The following CEP70 variants were observed in gnomAD, a reference collection of about 807,000 sequenced individuals.
CEP70 encodes the protein centrosomal protein 70, also known as centrosomal protein of 70 kDa.
Under a neutral mutation model 90.9 loss-of-function variants are expected in CEP70, and 70 were observed. The ratio of observed to expected loss-of-function variants is 0.77; its 90% CI spans 0.64 to 0.94. The LOEUF is 0.94. Ranked by LOEUF, CEP70 falls within the 40% of genes least tolerant of loss-of-function variation. The pLI, the probability that CEP70 is intolerant of heterozygous loss-of-function variation, is 0.00. For synonymous variants in CEP70, 220 were observed against 228.3 expected (o/e 0.96, Z 0.33); for missense variants, 648 against 669.0 (o/e 0.97, Z 0.35).
At chr3:138,569,447 T>A (rs1390296661) in intron 6 of CEP70, among the ~76,000 whole-genome samples, 1 of 152,232 alleles carries the variant, frequency 6.6e-6, no homozygotes, top group Non-Finnish European at 1.5e-5. Flanking sequence ...GTTACCAGCA[T>A]AAGATTCATT....
At chr3:138,500,648 AC>A in intron 14 of CEP70, 81 bp from the exon 15 acceptor site, 2 of 1,494,100 alleles carry the variant, frequency 1.3e-6, no homozygotes, top group Non-Finnish European at 1.8e-6. Context: ...GACAAATAGA[AC>A]TCTAGTAGAA....
At chr3:138,506,772 C>T (rs1576542717) in intron 12 of CEP70, among the ~76,000 whole-genome samples, 1 of 152,184 alleles carries the variant, frequency 6.6e-6, no homozygotes, top group African/African-American at 2.4e-5. Context: ...GACAGAGTCT[C>T]ACTCTGCAGC....
At chr3:138,556,394 G>C (rs1308705951) in intron 6 of CEP70, among the ~76,000 whole-genome samples, 1 of 151,980 alleles carries the variant, frequency 6.6e-6, no homozygotes, top group Non-Finnish European at 1.5e-5. Flanking sequence ...TGGGCATGGT[G>C]GTGGGAGCCT....
At chr3:138,558,674 C>T (rs532227832) in intron 6 of CEP70, among the ~76,000 whole-genome samples, 8 of 152,178 alleles carry the variant, frequency 5.3e-5, no homozygotes, top group African/African-American at 1.9e-4. Flanking sequence ...TAAGATGATC[C>T]CAGATTACTA....
intron 6 of CEP70, among the ~76,000 whole-genome samples, chr3:138,554,870 C>T (rs1438992670): frequency 1.3e-5 from 2 of 152,168 alleles, no homozygotes; most frequent in Admixed American, 6.5e-5. Flanking sequence ...TGTTTGCTGA[C>T]TGTTCCTTTT....
intron 16 of CEP70, among the ~76,000 whole-genome samples, chr3:138,499,625 T>G (rs1329413666): frequency 6.6e-6 from 1 of 152,148 alleles, no homozygotes; most frequent in African/African-American, 2.4e-5. Context: ...TATCTTAGAT[T>G]GTCAAGTTAC....
At position 138,494,910 on chromosome 3, in the gene CEP70, G is replaced by T. The variant is rs1260280780; in HGVS notation, c.*105C>A. On this transcript the variant is annotated 3_prime_UTR_variant, in exon 18 of 18. Coordinates refer to ENST00000264982, the MANE Select transcript of CEP70 (RefSeq NM_024491.4). ...TAATACTAAGAAGGGGATGAATTCT[G>T]AGAGCAAATACATTTTACAACCCTT... 2 of 663,594 alleles carry T rather than the reference G, an allele frequency of 3.0e-6. No homozygotes were observed. The highest frequency in any genetic ancestry group is 5.6e-5 in the Admixed American group (2 of 36,016). 41.1% of individuals were successfully genotyped at this position (663,594 alleles called of 1,614,324 possible). A position where few individuals can be genotyped will look rare whatever the true frequency, so the allele number is the denominator to read the frequency against.
Position 138,530,806 on chromosome 3 carries a change from A to G in CEP70, c.693-1344T>C. On this transcript the variant is annotated intron_variant, in intron 8 of 17. Transcript: ENST00000264982. Reference sequence around the variant, plus strand: ...TCCTACTTCTTTAGATGATACCTATATCCTATTTGTAGATCTCAAAATCTA... The same window carrying G: ...TCCTACTTCTTTAGATGATACCTATGTCCTATTTGTAGATCTCAAAATCTA... 3.0e-6 allele frequency: 3 copies of G among 984,950 alleles called. No individual in the cohort carries two copies. The South Asian group carries it at 1.4e-4, about 46-fold the overall frequency. The allele number at this position is 984,950 out of a possible 1,614,324, so 61.0% of individuals were successfully genotyped here. A position where few individuals can be genotyped will look rare whatever the true frequency, so the allele number is the denominator to read the frequency against.
At chr3:138,563,874 C>CA (rs1238488254) in intron 6 of CEP70, among the ~76,000 whole-genome samples, 2 of 151,984 alleles carry the variant, frequency 1.3e-5, no homozygotes, top group Non-Finnish European at 2.9e-5. Context: ...GCTAGAGACA[C>CA]AAAAAACTCT....
Position 138,508,563 on chromosome 3 carries a change from T to C in CEP70, c.945-19A>G, listed in dbSNP as rs1436245789. ...CTGTAATCTAAAAGGGGGAAAAAAA[T>C]CAAGATAATACAAAATTACTTCCTA... On this transcript the variant is annotated intron_variant, in intron 11 of 17. Transcript: ENST00000264982. 10 of 1,466,404 alleles carry C rather than the reference T, an allele frequency of 6.8e-6. No homozygotes were observed. The highest frequency in any genetic ancestry group is 9.6e-6 in the Non-Finnish European group (10 of 1,046,278). 90.8% of individuals were successfully genotyped at this position (1,466,404 alleles called of 1,614,324 possible). A position where few individuals can be genotyped will look rare whatever the true frequency, so the allele number is the denominator to read the frequency against.
chr3:138,536,903 G>C (rs1346230103), intron 7 of CEP70: 1 of 204,192 alleles, frequency 4.9e-6, no homozygotes, highest in Non-Finnish European at 9.6e-6. Flanking sequence ...AAAAGGATCA[G>C]TTATTTTGAG....
intron 11 of CEP70, among the ~76,000 whole-genome samples, chr3:138,513,302 C>T (rs2035700104): frequency 6.6e-6 from 1 of 152,210 alleles, no homozygotes; most frequent in Admixed American, 6.5e-5. Flanking sequence ...AGCATTTCTG[C>T]ATTCCTACCC....
chr3:138,527,564 G>C (rs137906592), intron 10 of CEP70, among the ~76,000 whole-genome samples: 298 of 151,622 alleles, frequency 2.0e-3, no homozygotes, highest in African/African-American at 6.9e-3. Context: ...CGTGGTGATG[G>C]GCGCCTGTAG....
intron 11 of CEP70, among the ~76,000 whole-genome samples, chr3:138,519,781 G>A (rs1397711598): frequency 6.6e-6 from 1 of 152,096 alleles, no homozygotes; most frequent in African/African-American, 2.4e-5. Flanking sequence ...CAACTAACGA[G>A]CAAAATAACC....
In CEP70 at chr3:138,496,353, T is replaced by C. The variant is rs1021514825; in HGVS notation, c.1733-1277A>G. Reference sequence around the variant, plus strand: ...CCCGACTTCAGTCAGAATACTTGTCTGAACCCACTAACAAAGCATCAAGAT... The same window carrying C: ...CCCGACTTCAGTCAGAATACTTGTCCGAACCCACTAACAAAGCATCAAGAT... On this transcript the variant is annotated intron_variant, in intron 17 of 17. Transcript: ENST00000264982. 3.0e-6 allele frequency: 3 copies of C among 985,354 alleles called. No homozygotes were observed. The African/African-American group carries it at 5.2e-5, about 17-fold the overall frequency. 61.0% of individuals were successfully genotyped at this position (985,354 alleles called of 1,614,324 possible).
At chr3:138,507,966 A>G (rs764905575) in intron 12 of CEP70, among the ~76,000 whole-genome samples, 4 of 152,222 alleles carry the variant, frequency 2.6e-5, no homozygotes, top group Non-Finnish European at 4.4e-5. Context: ...TACCAGGTTT[A>G]ACTGCTCAGC....
chr3:138,561,747 C>T (rs192309090), intron 6 of CEP70, among the ~76,000 whole-genome samples: 41 of 152,088 alleles, frequency 2.7e-4, no homozygotes, highest in African/African-American at 6.7e-4. Flanking sequence ...TGAAGCTGGC[C>T]GGGTGCGGTG....
chr3:138,563,723 T>C (rs1323721547), intron 6 of CEP70, among the ~76,000 whole-genome samples: 2 of 152,104 alleles, frequency 1.3e-5, no homozygotes, highest in Non-Finnish European at 2.9e-5. Context: ...TTTATAACAC[T>C]AAGTGCCCAC....
chr3:138,534,716 T>G (rs2038114930), intron 7 of CEP70, among the ~76,000 whole-genome samples: 1 of 152,224 alleles, frequency 6.6e-6, no homozygotes, highest in Admixed American at 6.5e-5. Context: ...TTGGAAGTTC[T>G]CTGGAGTTTG....
Sources: gnomAD v4.1 joint callset for allele counts (sites outside exome capture counted in the v4.1 genomes callset) on GRCh38, gnomAD v4.1.1 for gene constraint, MANE v1.5 for transcripts, NCBI Gene and HGNC (gene_info 2026-07-23, HGNC 2026-07-21) for gene names.